The following WDR59 variants were observed in gnomAD, a reference collection of about 807,000 sequenced individuals.
The protein encoded by WDR59 is GATOR2 complex protein WDR59.
A neutral mutation model predicts 131.2 loss-of-function variants in WDR59; 100 were observed. That is an observed-to-expected ratio of 0.76 (90% CI 0.65 to 0.90). The LOEUF is 0.90. Among genes scored for constraint, WDR59 ranks in the 40% least tolerant of loss-of-function variants. The probability of loss-of-function intolerance (pLI) is 0.00; values close to 1 mark genes in which losing one functional copy is unlikely to be tolerated. For missense variants in WDR59, 1,203 were observed against 1,262.2 expected (o/e 0.95, Z 0.71); for synonymous variants, 601 against 466.2 (o/e 1.29, Z -3.72).
At chr16:74,949,397 G>A (rs1297763751) in intron 5 of WDR59, among the ~76,000 whole-genome samples, 1 of 148,912 alleles carries the variant, frequency 6.7e-6, no homozygotes, top group Non-Finnish European at 1.5e-5. Flanking sequence ...CAGGAAGGAA[G>A]GGGGAAGGGT....
intron 10 of WDR59, 33 bp from the exon 11 acceptor site, chr16:74,918,041 C>A (rs1443764563): frequency 6.2e-7 from 1 of 1,601,602 alleles, no homozygotes; most frequent in East Asian, 2.2e-5. Context: ...CCTGGAAATT[C>A]TTCTGGATTC....
At chr16:74,900,196 T>A (rs563109090) in intron 18 of WDR59, among the ~76,000 whole-genome samples, 1 of 152,174 alleles carries the variant, frequency 6.6e-6, no homozygotes, top group South Asian at 2.1e-4. Context: ...AAGAAGACAT[T>A]CTTGAATAGG....
intron 13 of WDR59, among the ~76,000 whole-genome samples, chr16:74,912,679 G>A (rs553004331): frequency 1.3e-5 from 2 of 152,186 alleles, no homozygotes; most frequent in South Asian, 4.2e-4. Flanking sequence ...GGAAATCAGG[G>A]GTCTCACAGC....
In WDR59 at chr16:74,965,831, G is replaced by A. The variant is rs1158008354; in HGVS notation, c.55-9C>T. 1 of 1,614,080 alleles carries A rather than the reference G, an allele frequency of 6.2e-7. No individual in the cohort carries two copies. The highest frequency in any genetic ancestry group is 2.2e-5 in the East Asian group (1 of 44,864). ...ACAGACATCGCAGTTGCCTGAGAGAGAGAACACAGAGTCAGTGCTGCCAGC... is the reference window on the plus strand; with the variant it reads ...ACAGACATCGCAGTTGCCTGAGAGAAAGAACACAGAGTCAGTGCTGCCAGC... On this transcript the variant is annotated splice_polypyrimidine_tract_variant and intron_variant, in intron 1 of 25. Transcript: ENST00000262144.
intron 1 of WDR59, among the ~76,000 whole-genome samples, chr16:74,966,523 G>A (rs2145198930): frequency 6.6e-6 from 1 of 152,144 alleles, no homozygotes; most frequent in Non-Finnish European, 1.5e-5. Flanking sequence ...CAGAAGTCCT[G>A]GAGCCCATGG....
chr16:74,910,666 G>A (rs549766109), intron 14 of WDR59, among the ~76,000 whole-genome samples: 1 of 152,186 alleles, frequency 6.6e-6, no homozygotes, highest in African/African-American at 2.4e-5. Flanking sequence ...TCCTTCAAAA[G>A]TATAAATCCT....
intron 23 of WDR59, chr16:74,886,602 A>G (rs999784961): frequency 1.5e-5 from 8 of 547,218 alleles, no homozygotes; most frequent in South Asian, 2.6e-5. Flanking sequence ...GAACTTGATC[A>G]CTAAGTACAC....
chr16:74,897,524 T>A (rs776626186), intron 18 of WDR59, among the ~76,000 whole-genome samples: 4 of 152,202 alleles, frequency 2.6e-5, no homozygotes, highest in Non-Finnish European at 5.9e-5. Flanking sequence ...ATTATGAAAA[T>A]CACAGTCTGT....
intron 6 of WDR59, among the ~76,000 whole-genome samples, chr16:74,946,699 GGTGACAGAGTGAGGATCT>G (rs1284563583): frequency 1.3e-5 from 2 of 151,920 alleles, no homozygotes; most frequent in African/African-American, 4.8e-5. Context: ...CTCCAGCCTG[GGTGACAGAGTGAGGATCT>G]GTCTCAAAAA....
rs2145161337 is a variant in WDR59, at chr16:74,956,500, C to G, written c.215G>C (p.Ser72Thr). Residue 72 changes from serine (S) to threonine (T), a missense_variant, in exon 3 of 26, where the codon AGC becomes ACC. By Grantham distance (58) the Ser-to-Thr change is moderately conservative. Coordinates refer to ENST00000262144, the MANE Select transcript of WDR59 (RefSeq NM_030581.4). ...IGAVQWNPHD[S>T]FAHYFAASSN... ...CGAAGCCGCAAAATAGTGTGCAAAG[C>G]TGTCATGAGGATTCCACTGCACAGC... is the stretch of plus-strand genomic sequence containing the variant. 1 of 1,613,914 alleles carries G rather than the reference C, an allele frequency of 6.2e-7. No homozygotes were observed. Among genetic ancestry groups the G allele is most frequent in the Middle Eastern group, 1.7e-4 (1 of 6,060 alleles).
rs1319593636 is a variant in WDR59 at position 74,985,054 on chromosome 16, C to T, written c.-37G>A. 3.2e-6 allele frequency: 5 copies of T among 1,542,572 alleles called. No individual in the cohort carries two copies. The highest frequency in any genetic ancestry group is 4.9e-5 in the East Asian group (2 of 41,100). The stretch of plus-strand genomic sequence containing the variant: ...GGCCGCCGCGGCCCCAGGACGGCGC[C>T]CTCCCACCCCGCCGTCCCCAGTATC... On this transcript the variant is annotated 5_prime_UTR_variant, in exon 1 of 26. Transcript: ENST00000262144.
At chr16:74,948,678 C>T (rs1303586972) in intron 5 of WDR59, 122 bp from the exon 6 acceptor site, 8 of 800,176 alleles carry the variant, frequency 1.0e-5, no homozygotes, top group African/African-American at 3.4e-5. Context: ...TAGGTAGATC[C>T]GCTGTGAGGG....
chr16:74,933,359 A>ATC (rs1021034691), intron 8 of WDR59, among the ~76,000 whole-genome samples: 1 of 152,148 alleles, frequency 6.6e-6, no homozygotes, highest in African/African-American at 2.4e-5. Context: ...ACAGCAACTG[A>ATC]TCTCTGAGCA....
rs376086980 is a variant in WDR59 at position 74,893,787 on chromosome 16, C to T, written c.1892G>A (p.Arg631His). Residue 631 changes from arginine (R) to histidine (H), a missense_variant, in exon 19 of 26, where the codon CGT becomes CAT. Transcript: ENST00000262144. Reference protein sequence around the residue: ...ERKSRRWKSKREGSDSGNRQI... With the variant: ...ERKSRRWKSKHEGSDSGNRQI... ...TCGATTGCCAGAGTCTGATCCCTCA[C>T]GCTTACTTTTCCATCGTCTTGATTT... is the stretch of plus-strand genomic sequence containing the variant. 37 of 1,614,008 alleles carry T rather than the reference C, an allele frequency of 2.3e-5. No individual in the cohort carries two copies. Among genetic ancestry groups the T allele is most frequent in the East Asian group, 6.7e-5 (3 of 44,888 alleles).
At chr16:74,945,065 G>C (rs375065380) in intron 6 of WDR59, among the ~76,000 whole-genome samples, 32 of 151,772 alleles carry the variant, frequency 2.1e-4, no homozygotes, top group African/African-American at 6.3e-4. Flanking sequence ...CGGAGGTTGC[G>C]GTGAGCCAAG....
At position 74,909,676 on chromosome 16, in the gene WDR59, C is replaced by T. The variant is rs368015995; in HGVS notation, c.1486-19G>A. 3.2e-6 allele frequency: 5 copies of T among 1,553,404 alleles called. No homozygotes were observed. Among genetic ancestry groups the T allele is most frequent in the African/African-American group, 2.8e-5 (2 of 72,312 alleles). On this transcript the variant is annotated intron_variant, in intron 15 of 25. Transcript: ENST00000262144. ...CCTGGTTCTGAAATTTAAAAATCCA[C>T]AAGCTAAAAACCACAACCTGTCTTA...
intron 18 of WDR59, among the ~76,000 whole-genome samples, chr16:74,895,224 G>A (rs555989989): frequency 3.3e-5 from 5 of 152,244 alleles, no homozygotes; most frequent in African/African-American, 1.2e-4. Flanking sequence ...GTAAATGCAT[G>A]TTACACTATC....
intron 7 of WDR59, 130 bp downstream of exon 7, chr16:74,942,608 A>C: frequency 1.2e-6 from 1 of 818,224 alleles, no homozygotes. Flanking sequence ...CTATGAGCTT[A>C]AAATGGTCAT....
chr16:74,927,440 T>C (rs2030925172), intron 8 of WDR59, among the ~76,000 whole-genome samples: 2 of 151,434 alleles, frequency 1.3e-5, no homozygotes, highest in South Asian at 2.1e-4. Flanking sequence ...ATACACAAAT[T>C]AGCCAGGCAT....
Sources: gnomAD v4.1 joint callset for allele counts (sites outside exome capture counted in the v4.1 genomes callset) on GRCh38, gnomAD v4.1.1 for gene constraint, MANE v1.5 for transcripts, NCBI Gene and HGNC (gene_info 2026-07-23, HGNC 2026-07-21) for gene names.